Variants in SPAG16 observed in about 807,000 individuals in gnomAD.
SPAG16 encodes sperm-associated antigen 16 protein.
In SPAG16, 86 loss-of-function variants were observed where a neutral mutation model predicts 80.4. That is an observed-to-expected ratio of 1.07 (90% confidence interval 0.90 to 1.28). SPAG16 has a LOEUF of 1.28. SPAG16 is among the 50% of genes most tolerant of loss of function. The pLI is 0.00. For synonymous variants in SPAG16, 294 were observed against 265.9 expected, an observed-to-expected ratio of 1.11 and a Z score of -1.03; for missense variants, 870 against 765.3, an observed-to-expected ratio of 1.14 and a Z score of -1.61.
chr2:214,076,513 CTG>C (rs71399105), intron 13 of SPAG16, among the ~76,000 whole-genome samples: 24,622 of 143,312 alleles, frequency 0.17, 2,235 homozygotes, highest in Admixed American at 0.2. Context: ...TTATTTTATT[CTG>C]TGTGTGTGTG....
intron 13 of SPAG16, among the ~76,000 whole-genome samples, chr2:214,019,905 T>C (rs1050509775): frequency 2.6e-5 from 4 of 152,178 alleles, no homozygotes; most frequent in Admixed American, 6.6e-5. Flanking sequence ...TGTATAAAGA[T>C]AAATTATCTT....
At chr2:213,827,448 G>T (rs902063271) in intron 10 of SPAG16, among the ~76,000 whole-genome samples, 1 of 151,924 alleles carries the variant, frequency 6.6e-6, no homozygotes, top group Non-Finnish European at 1.5e-5. Context: ...CTAACAAAAA[G>T]AAAACTTGTA....
chr2:214,379,893 C>CAACA (rs1330664200), intron 15 of SPAG16, among the ~76,000 whole-genome samples: 1 of 152,170 alleles, frequency 6.6e-6, no homozygotes, highest in Non-Finnish European at 1.5e-5. Flanking sequence ...CTTTGAGAAA[C>CAACA]AACACACAAA....
At chr2:213,292,089 C>G (rs372614975) in intron 1 of SPAG16, among the ~76,000 whole-genome samples, 14 of 152,152 alleles carry the variant, frequency 9.2e-5, no homozygotes, top group African/African-American at 3.4e-4. Context: ...CACTTTTTTT[C>G]TACTCTATAT....
At position 213,681,980 on chromosome 2, in the gene SPAG16, T is replaced by A. The variant is rs80038636; in HGVS notation, c.1071-180505T>A. ...GGCTCCTTTCCCTTCAGCGTGAATC[T>A]GTTACAGCTGTCCTCTGGCACCTTT... On this transcript the variant is annotated intron_variant, in intron 10 of 15. Coordinates refer to ENST00000331683, the MANE Select transcript of SPAG16 (RefSeq NM_024532.5). Among the ~76,000 whole-genome samples the A allele has an allele frequency of 6.0e-4, 91 of 152,328 alleles. 1 individual carries two copies. The East Asian group carries it at 0.017, about 29-fold the overall frequency.
chr2:214,104,704 T>C lies in SPAG16; in HGVS notation c.1528-3492T>C, dbSNP rs1299391060. 2.0e-5 allele frequency among the ~76,000 whole-genome samples: 3 copies of C among 152,130 alleles called. No individual in the cohort carries two copies. The East Asian group carries it at 5.8e-4, about 29-fold the overall frequency. ...ATCAAAATAGACAGTTGGGAAGTAG[T>C]AAATCAACAAGTCTTCTTTTGCTTA... On this transcript the variant is annotated intron_variant, in intron 13 of 15. Transcript: ENST00000331683.
At chr2:214,365,979 G>T (rs1250925088) in intron 15 of SPAG16, among the ~76,000 whole-genome samples, 6 of 140,742 alleles carry the variant, frequency 4.3e-5, no homozygotes, top group Non-Finnish European at 7.8e-5. Context: ...TATTTGCCAG[G>T]TTTTTTTTTT....
At chr2:213,374,590 A>T (rs2066794975) in intron 8 of SPAG16, among the ~76,000 whole-genome samples, 1 of 151,868 alleles carries the variant, frequency 6.6e-6, no homozygotes, top group South Asian at 2.1e-4. Flanking sequence ...TCCTTAACAT[A>T]GTGAAGCATA....
chr2:214,133,431 G>C (rs2054887195), intron 14 of SPAG16, among the ~76,000 whole-genome samples: 2 of 152,106 alleles, frequency 1.3e-5, no homozygotes, highest in Non-Finnish European at 2.9e-5. Flanking sequence ...GGTCGAGGAA[G>C]GCAGATCACT....
chr2:213,344,511 T>G (rs2064864386), intron 6 of SPAG16, among the ~76,000 whole-genome samples: 1 of 152,136 alleles, frequency 6.6e-6, no homozygotes, highest in South Asian at 2.1e-4. Context: ...GTATATCTCC[T>G]AATGCTATCC....
At chr2:213,720,994 C>A (rs1342096152) in intron 10 of SPAG16, among the ~76,000 whole-genome samples, 1 of 152,032 alleles carries the variant, frequency 6.6e-6, no homozygotes, top group Non-Finnish European at 1.5e-5. Context: ...CCTCGTGATC[C>A]GCCCACCTCA....
At position 214,164,273 on chromosome 2, in the gene SPAG16, T is replaced by C. The variant is rs112751959; in HGVS notation, c.1720+15007T>C. ...AATTAATGCCAACATATTTGCCAAG[T>C]GGTGATAAGTCTTATGAAAAATTAA... On this transcript the variant is annotated intron_variant, in intron 15 of 15. Coordinates refer to ENST00000331683, the MANE Select transcript of SPAG16 (RefSeq NM_024532.5). Among the ~76,000 whole-genome samples, 25 of 152,184 alleles carry C rather than the reference T, an allele frequency of 1.6e-4. 1 individual carries two copies. The highest frequency in any genetic ancestry group is 5.8e-4 in the African/African-American group (24 of 41,532).
intron 10 of SPAG16, among the ~76,000 whole-genome samples, chr2:213,538,638 T>C (rs529730399): frequency 6.6e-6 from 1 of 152,274 alleles, no homozygotes; most frequent in East Asian, 1.9e-4. Flanking sequence ...GCCATCACCC[T>C]AAGTATTTTC....
intron 15 of SPAG16, among the ~76,000 whole-genome samples, chr2:214,336,782 G>A (rs1995842): frequency 0.67 from 101,030 of 150,106 alleles, 38,752 homozygotes; most frequent in South Asian, 0.85. Flanking sequence ...GAGTGTTTTT[G>A]TTGTAAGCTT....
intron 1 of SPAG16, among the ~76,000 whole-genome samples, chr2:213,293,072 G>C (rs1376021211): frequency 1.3e-5 from 2 of 152,108 alleles, no homozygotes; most frequent in Non-Finnish European, 2.9e-5. Context: ...TTGGATCATA[G>C]GGCCAGTTTC....
chr2:213,705,307 G>A (rs991883021), intron 10 of SPAG16, among the ~76,000 whole-genome samples: 5 of 152,032 alleles, frequency 3.3e-5, no homozygotes, highest in Admixed American at 3.3e-4. Context: ...AGGAAGGAAG[G>A]AAGGAAGGAA....
intron 10 of SPAG16, among the ~76,000 whole-genome samples, chr2:213,690,055 T>C (rs1211536507): frequency 6.6e-6 from 1 of 152,208 alleles, no homozygotes; most frequent in East Asian, 1.9e-4. Flanking sequence ...TTTTATTAAT[T>C]TCTCCTTCAA....
intron 10 of SPAG16, among the ~76,000 whole-genome samples, chr2:213,549,706 C>T (rs907828136): frequency 2.6e-5 from 4 of 152,132 alleles, no homozygotes; most frequent in Non-Finnish European, 5.9e-5. Flanking sequence ...TCTTACCTTG[C>T]AGTAGTAGTG....
At chr2:213,944,445 G>A (rs1410498567) in intron 12 of SPAG16, among the ~76,000 whole-genome samples, 4 of 152,162 alleles carry the variant, frequency 2.6e-5, no homozygotes, top group South Asian at 2.1e-4. Context: ...TTTATCCTAT[G>A]CCTATCCCAT....
Sources: allele counts gnomAD v4.1 joint callset (sites outside exome capture counted in the v4.1 genomes callset), GRCh38; gene constraint gnomAD v4.1.1; transcripts MANE v1.5; gene names NCBI Gene and HGNC (gene_info 2026-07-23, HGNC 2026-07-21).